The following PRKG1 variants were observed in gnomAD, a reference collection of about 807,000 sequenced individuals.
PRKG1 encodes protein kinase cGMP-dependent 1.
Under a neutral mutation model 88.1 loss-of-function variants are expected in PRKG1, and 35 were observed. The ratio of observed to expected loss-of-function variants is 0.40; its 90% confidence interval spans 0.30 to 0.53. The LOEUF (loss-of-function observed/expected upper bound fraction) is 0.53, where lower values mean the gene tolerates loss of function less well. Among genes scored for constraint, PRKG1 ranks in the 20% least tolerant of loss-of-function variants. The probability of loss-of-function intolerance (pLI) is 0.59; values close to 1 mark genes in which losing one functional copy is unlikely to be tolerated. For synonymous variants in PRKG1, 303 were observed against 292.5 expected, an observed-to-expected ratio of 1.04 and a Z score of -0.37; for missense variants, 540 against 839.8, an observed-to-expected ratio of 0.64 and a Z score of 4.41.
At chr10:52,064,405 T>C (rs1030098809) in intron 7 of PRKG1, among the ~76,000 whole-genome samples, 3 of 152,208 alleles carry the variant, frequency 2.0e-5, no homozygotes, top group African/African-American at 7.2e-5. Flanking sequence ...CAGGCACCTC[T>C]GATCCTGTGA....
chr10:51,944,594 TG>T (rs1450605146), intron 5 of PRKG1, among the ~76,000 whole-genome samples: 1 of 152,138 alleles, frequency 6.6e-6, no homozygotes, highest in African/African-American at 2.4e-5. Context: ...GGGCATTTAG[TG>T]CTATAAATTT....
intron 5 of PRKG1, among the ~76,000 whole-genome samples, chr10:51,936,015 C>T (rs983424393): frequency 6.6e-6 from 1 of 152,044 alleles, no homozygotes; most frequent in Non-Finnish European, 1.5e-5. Context: ...CATCATCTTC[C>T]TCAAACTTCA....
At chr10:51,441,599 T>C (rs1286259735) in intron 2 of PRKG1, among the ~76,000 whole-genome samples, 2 of 151,962 alleles carry the variant, frequency 1.3e-5, no homozygotes, top group Non-Finnish European at 2.9e-5. Context: ...GTGGAGTGGC[T>C]AGAATCCACA....
chr10:52,137,572 T>C (rs1213017356), intron 8 of PRKG1, among the ~76,000 whole-genome samples: 1 of 152,064 alleles, frequency 6.6e-6, no homozygotes, highest in Non-Finnish European at 1.5e-5. Context: ...AGTCCCTCAA[T>C]ATAAAATGGC....
intron 2 of PRKG1, among the ~76,000 whole-genome samples, chr10:51,177,860 T>C (rs1475870687): frequency 6.6e-6 from 1 of 152,002 alleles, no homozygotes; most frequent in African/African-American, 2.4e-5. Context: ...TTCTGACTGA[T>C]ATTAATTCCT....
chr10:51,992,708 G>A (rs1021293629), intron 5 of PRKG1, among the ~76,000 whole-genome samples: 1 of 152,108 alleles, frequency 6.6e-6, no homozygotes, highest in African/African-American at 2.4e-5. Flanking sequence ...CTAAAATTAT[G>A]TAGCGTATGT....
intron 4 of PRKG1, among the ~76,000 whole-genome samples, chr10:51,896,483 A>G (rs1841848844): frequency 6.6e-6 from 1 of 151,770 alleles, no homozygotes; most frequent in South Asian, 2.1e-4. Flanking sequence ...TTGAGGCAGA[A>G]GGATCACTTG....
chr10:51,221,105 T>C (rs1436473795), intron 2 of PRKG1, among the ~76,000 whole-genome samples: 1 of 152,038 alleles, frequency 6.6e-6, no homozygotes, highest in East Asian at 1.9e-4. Flanking sequence ...ACACTTGCTT[T>C]AGCAAAGTAA....
intron 5 of PRKG1, among the ~76,000 whole-genome samples, chr10:51,945,110 C>G (rs1208095512): frequency 1.3e-5 from 2 of 150,454 alleles, no homozygotes; most frequent in Non-Finnish European, 1.5e-5. Flanking sequence ...GTAGGTCACT[C>G]AGGACTTGCT....
intron 2 of PRKG1, among the ~76,000 whole-genome samples, chr10:51,334,122 C>A (rs1407578476): frequency 6.6e-6 from 1 of 151,220 alleles, no homozygotes; most frequent in Non-Finnish European, 1.5e-5. Flanking sequence ...TAATAGGAGT[C>A]CACTGCCCTT....
chr10:51,697,287 A>G (rs1841320471), intron 3 of PRKG1: 1 of 161,744 alleles, frequency 6.2e-6, no homozygotes, highest in Non-Finnish European at 1.3e-5. Context: ...TTTGTTATAC[A>G]ACCAAAAATC....
At chr10:52,147,228 T>G (rs1431688279) in intron 8 of PRKG1, among the ~76,000 whole-genome samples, 4 of 152,102 alleles carry the variant, frequency 2.6e-5, no homozygotes, top group Non-Finnish European at 4.4e-5. Context: ...AAAATGGAAA[T>G]TATCCAAGTA....
chr10:51,097,520 T>G (rs1844561478), intron 1 of PRKG1, among the ~76,000 whole-genome samples: 1 of 152,142 alleles, frequency 6.6e-6, no homozygotes, highest in African/African-American at 2.4e-5. Flanking sequence ...CACCACACTC[T>G]GCCTTTTTTT....
intron 3 of PRKG1, among the ~76,000 whole-genome samples, chr10:51,528,846 C>G (rs1420349114): frequency 6.6e-6 from 1 of 151,944 alleles, no homozygotes; most frequent in Non-Finnish European, 1.5e-5. Flanking sequence ...TAATTAGAAG[C>G]CTTGAAACAA....
At chr10:51,426,396 G>C (rs765977669) in intron 2 of PRKG1, among the ~76,000 whole-genome samples, 1 of 152,226 alleles carries the variant, frequency 6.6e-6, no homozygotes, top group Non-Finnish European at 1.5e-5. Context: ...GGGAAATGGA[G>C]ATGAATACGA....
intron 2 of PRKG1, among the ~76,000 whole-genome samples, chr10:51,200,823 A>G (rs1399054453): frequency 1.3e-5 from 2 of 152,208 alleles, no homozygotes; most frequent in East Asian, 3.8e-4. Flanking sequence ...TGGGTTTAAT[A>G]TGCTGCCTAC....
chr10:51,697,534 A>C (rs962475101), intron 3 of PRKG1: 1 of 748,826 alleles, frequency 1.3e-6, no homozygotes, highest in African/African-American at 1.8e-5. Context: ...CAATTAAAAA[A>C]AAAAGGAAAA....
chr10:51,169,923 T>C (rs1846655660), intron 2 of PRKG1, among the ~76,000 whole-genome samples: 1 of 152,108 alleles, frequency 6.6e-6, no homozygotes, highest in Non-Finnish European at 1.5e-5. Flanking sequence ...TACTTCTGGC[T>C]CAACTTCCTC....
chr10:51,555,303 C>T (rs1172622015), intron 3 of PRKG1, among the ~76,000 whole-genome samples: 6 of 151,892 alleles, frequency 4.0e-5, no homozygotes, highest in Non-Finnish European at 8.8e-5. Flanking sequence ...CAACACATTC[C>T]TATTTTTAAA....
Sources: gnomAD v4.1 joint callset for allele counts (sites outside exome capture counted in the v4.1 genomes callset) on GRCh38, gnomAD v4.1.1 for gene constraint, MANE v1.5 for transcripts, NCBI Gene and HGNC (gene_info 2026-07-23, HGNC 2026-07-21) for gene names.